LRRC4C: variants seen among roughly 807,000 people sequenced by gnomAD.
LRRC4C encodes leucine-rich repeat-containing protein 4C.
Under a neutral mutation model 33.6 loss-of-function variants are expected in LRRC4C, and 5 were observed. The ratio of observed to expected loss-of-function variants is 0.15; its 90% CI spans 0.08 to 0.31. The LOEUF (loss-of-function observed/expected upper bound fraction) is 0.31. LRRC4C is among the 10% of genes least tolerant of loss of function. The probability of loss-of-function intolerance (pLI) is 1.00; values close to 1 mark genes in which losing one functional copy is unlikely to be tolerated. For synonymous variants in LRRC4C, 329 were observed against 302.0 expected, an observed-to-expected ratio of 1.09 and a Z score of -0.93; for missense variants, 560 against 796.7, an observed-to-expected ratio of 0.70 and a Z score of 3.58.
At chr11:40,585,709 G>C (rs1049718509) in intron 3 of LRRC4C, among the ~76,000 whole-genome samples, 65 of 142,272 alleles carry the variant, frequency 4.6e-4, no homozygotes, top group Non-Finnish European at 7.6e-4. Context: ...ACCTATGAGG[G>C]AGAATATGCA....
intron 1 of LRRC4C, among the ~76,000 whole-genome samples, chr11:41,412,371 TAAC>T (rs1031255387): frequency 2.6e-5 from 4 of 152,220 alleles, no homozygotes; most frequent in Admixed American, 2.6e-4. Context: ...CATAGAAACT[TAAC>T]TTTTATCAAT....
intron 1 of LRRC4C, among the ~76,000 whole-genome samples, chr11:41,406,706 CCA>C (rs112867786): frequency 0.032 from 4,387 of 138,202 alleles, 87 homozygotes; most frequent in East Asian, 0.063. Flanking sequence ...TACACATTCA[CCA>C]CACACACACA....
intron 3 of LRRC4C, among the ~76,000 whole-genome samples, chr11:40,414,192 G>A (rs1950245985): frequency 6.6e-6 from 1 of 152,080 alleles, no homozygotes. Flanking sequence ...TGACTGGATG[G>A]CTTCCTTTAA....
intron 2 of LRRC4C, among the ~76,000 whole-genome samples, chr11:40,686,233 TAAA>T (rs1306804859): frequency 2.0e-5 from 3 of 152,108 alleles, no homozygotes; most frequent in African/African-American, 4.8e-5. Context: ...TGATTTGTTG[TAAA>T]AAGAGTATAG....
chr11:41,002,459 G>A (rs1854453013), intron 1 of LRRC4C, among the ~76,000 whole-genome samples: 1 of 152,118 alleles, frequency 6.6e-6, no homozygotes, highest in Non-Finnish European at 1.5e-5. Flanking sequence ...AGGTTTCTAA[G>A]AAGAGGCTGT....
At chr11:41,394,469 C>A (rs775760672) in intron 1 of LRRC4C, 8 of 151,860 alleles carry the variant, frequency 5.3e-5, no homozygotes, top group Non-Finnish European at 8.8e-5. Context: ...ACCTTTCTTT[C>A]TACTTCATAT....
chr11:40,830,880 T>C (rs1243899834), intron 2 of LRRC4C, among the ~76,000 whole-genome samples: 1 of 152,128 alleles, frequency 6.6e-6, no homozygotes, highest in Non-Finnish European at 1.5e-5. Context: ...GAGGAAATTA[T>C]CATGGTTCGT....
Position 41,305,367 on chromosome 11 carries a change from G to A in LRRC4C, c.-496+154064C>T, listed in dbSNP as rs1950467096. Among the ~76,000 whole-genome samples the A allele has an allele frequency of 3.8e-5, 2 of 52,506 alleles. 1 individual carries two copies. The highest frequency in any genetic ancestry group is 1.1e-4 in the Non-Finnish European group (2 of 18,346). The allele number at this position is 52,506 out of a possible 152,430, so 34.4% of individuals were successfully genotyped here. A position where few individuals can be genotyped will look rare whatever the true frequency, so the allele number is the denominator to read the frequency against. On this transcript the variant is annotated intron_variant, in intron 1 of 6. Transcript: ENST00000528697. ...GGCCGTCCCTACTGGGAAGTGAGTA[G>A]CCCCTCTGCCCGGCCACCACCCCGT...
intron 4 of LRRC4C, among the ~76,000 whole-genome samples, chr11:40,294,990 G>A (rs962089978): frequency 5.9e-5 from 9 of 152,178 alleles, no homozygotes; most frequent in African/African-American, 1.9e-4. Context: ...AGCCTATGCA[G>A]TGTTGCAGTA....
In LRRC4C at chr11:40,571,552, G is replaced by A. The variant is rs147177065; in HGVS notation, c.-270+76590C>T. Among the ~76,000 whole-genome samples the A allele has an allele frequency of 6.2e-3, 951 of 152,232 alleles. 15 individuals carry two copies. Among genetic ancestry groups the A allele is most frequent in the African/African-American group, 0.022 (910 of 41,544 alleles). On this transcript the variant is annotated intron_variant, in intron 3 of 6. Transcript: ENST00000528697. ...GGAACCGTCTACAACTAGTTACAAG[G>A]AGAGTCTTTACTGAAACACATGACT... is the stretch of plus-strand genomic sequence containing the variant.
intron 1 of LRRC4C, among the ~76,000 whole-genome samples, chr11:41,101,605 TAA>T (rs1941189640): frequency 6.6e-6 from 1 of 152,106 alleles, no homozygotes; most frequent in African/African-American, 2.4e-5. Context: ...CTCAAAGAGG[TAA>T]AAACAGAACT....
At chr11:41,392,430 G>A (rs1006435243) in intron 1 of LRRC4C, among the ~76,000 whole-genome samples, 1 of 151,708 alleles carries the variant, frequency 6.6e-6, no homozygotes, top group East Asian at 1.9e-4. Flanking sequence ...CCTCTGTAGA[G>A]GACAACCACT....
intron 4 of LRRC4C, among the ~76,000 whole-genome samples, chr11:40,289,867 C>A (rs912694506): frequency 6.6e-6 from 1 of 152,048 alleles, no homozygotes; most frequent in Non-Finnish European, 1.5e-5. Flanking sequence ...ACATTTCAGA[C>A]CAAAATTTTA....
At chr11:40,971,356 C>T (rs1851715835) in intron 1 of LRRC4C, among the ~76,000 whole-genome samples, 1 of 152,194 alleles carries the variant, frequency 6.6e-6, no homozygotes, top group African/African-American at 2.4e-5. Flanking sequence ...GTCAAAGGAG[C>T]CCAGATACAG....
chr11:41,440,629 TC>T (rs1379533181), intron 1 of LRRC4C, among the ~76,000 whole-genome samples: 2 of 152,094 alleles, frequency 1.3e-5, no homozygotes, highest in African/African-American at 4.8e-5. Context: ...TGGTTCTATG[TC>T]CCCACCGAAA....
chr11:40,466,611 T>G (rs1191587901), intron 3 of LRRC4C, among the ~76,000 whole-genome samples: 1 of 151,874 alleles, frequency 6.6e-6, no homozygotes, highest in African/African-American at 2.4e-5. Context: ...TAATTTTACA[T>G]ATTACAAAGC....
At chr11:41,093,466 AT>A (rs1186104045) in intron 1 of LRRC4C, among the ~76,000 whole-genome samples, 2 of 152,270 alleles carry the variant, frequency 1.3e-5, no homozygotes, top group East Asian at 1.9e-4. Context: ...TTTTGGCCTA[AT>A]TTTTTTGTTA....
chr11:40,284,922 G>A (rs533970194), intron 4 of LRRC4C, among the ~76,000 whole-genome samples: 3 of 152,134 alleles, frequency 2.0e-5, no homozygotes, highest in Non-Finnish European at 2.9e-5. Flanking sequence ...AATTAAGTGC[G>A]ATCTTGCTGG....
intron 5 of LRRC4C, among the ~76,000 whole-genome samples, chr11:40,199,549 T>C (rs941659425): frequency 1.3e-5 from 2 of 152,170 alleles, no homozygotes; most frequent in Admixed American, 1.3e-4. Context: ...GTATTCCCCT[T>C]TTCATCCTTC....
Sources: gnomAD v4.1 joint callset for allele counts (sites outside exome capture counted in the v4.1 genomes callset) on GRCh38, gnomAD v4.1.1 for gene constraint, MANE v1.5 for transcripts, NCBI Gene and HGNC (gene_info 2026-07-23, HGNC 2026-07-21) for gene names.